Variants in BLM observed in about 807,000 individuals in gnomAD.
BLM encodes the protein BLM RecQ like helicase, also known as recQ-like DNA helicase BLM.
Under a neutral mutation model 135.3 loss-of-function variants are expected in BLM, and 95 were observed. The observed-to-expected ratio is 0.70, with a 90% CI of 0.59 to 0.83. The LOEUF (loss-of-function observed/expected upper bound fraction) is 0.83, where lower values mean the gene tolerates loss of function less well. Ranked by LOEUF, BLM falls within the 40% of genes least tolerant of loss-of-function variation. The pLI is 0.00. For synonymous variants in BLM, 520 were observed against 589.2 expected, an observed-to-expected ratio of 0.88 and a Z score of 1.70; for missense variants, 1,518 against 1,663.9, an observed-to-expected ratio of 0.91 and a Z score of 1.53.
chr15:90,770,021 A>C (rs1432210879), intron 12 of BLM, among the ~76,000 whole-genome samples: 1 of 152,062 alleles, frequency 6.6e-6, no homozygotes, highest in Non-Finnish European at 1.5e-5. Context: ...TTTCCCCCTA[A>C]GGTCCCAGTT....
chr15:90,777,359 C>T (rs1056436417), intron 12 of BLM, among the ~76,000 whole-genome samples: 1 of 152,128 alleles, frequency 6.6e-6, no homozygotes, highest in East Asian at 1.9e-4. Flanking sequence ...CACCATATTG[C>T]GCAGGCTGGT....
chr15:90,783,735 A>G (rs1204555846), intron 13 of BLM, among the ~76,000 whole-genome samples: 1 of 152,186 alleles, frequency 6.6e-6, no homozygotes, highest in East Asian at 1.9e-4. Flanking sequence ...CCCCATCTCT[A>G]CAAAAATTAT....
Position 90,815,036 on chromosome 15 carries a change from T to C in BLM, c.4077-66T>C, listed in dbSNP as rs567859817. 4.0e-6 allele frequency: 5 copies of C among 1,263,080 alleles called. No individual in the cohort carries two copies. Among genetic ancestry groups the C allele is most frequent in the Non-Finnish European group, 5.5e-6 (5 of 909,786 alleles). 78.2% of individuals were successfully genotyped at this position (1,263,080 alleles called of 1,614,324 possible). A position where few individuals can be genotyped will look rare whatever the true frequency, so the allele number is the denominator to read the frequency against. On this transcript the variant is annotated intron_variant, in intron 21 of 21. Transcript: ENST00000355112. The surrounding 1 kb of genome is among the most constrained non-coding windows in gnomAD (Gnocchi z 4.6). ...AGTGGTATTGTAGCTCTGTGCAGGT[T>C]GAGAGGAAGGTCATTCATTTTTGGT...
intron 21 of BLM, among the ~76,000 whole-genome samples, chr15:90,814,427 A>T (rs1897501864): frequency 1.3e-5 from 2 of 152,192 alleles, no homozygotes; most frequent in South Asian, 4.1e-4. Context: ...AGGACTTGGT[A>T]ATCGGCTCTG....
chr15:90,783,470 G>A (rs1896666829), intron 13 of BLM, among the ~76,000 whole-genome samples: 1 of 152,182 alleles, frequency 6.6e-6, no homozygotes, highest in Admixed American at 6.5e-5. Context: ...CCCCCAGGCA[G>A]CTAATGTCAA....
At chr15:90,801,435 T>C (rs1417792626) in intron 17 of BLM, among the ~76,000 whole-genome samples, 1 of 94,674 alleles carries the variant, frequency 1.1e-5, no homozygotes, top group Non-Finnish European at 2.3e-5. Context: ...TGGGTACTAA[T>C]GACATCTCAC....
intron 15 of BLM, among the ~76,000 whole-genome samples, chr15:90,791,116 T>C (rs1004111767): frequency 7.2e-5 from 11 of 152,226 alleles, no homozygotes; most frequent in Admixed American, 6.5e-4. Flanking sequence ...ACTCTAGTTA[T>C]TGGTTTCCTT....
At chr15:90,790,903 ACTC>A (rs1157235456) in intron 15 of BLM, 59 bp downstream of exon 15, 3 of 1,491,026 alleles carry the variant, frequency 2.0e-6, no homozygotes, top group Non-Finnish European at 2.8e-6. Flanking sequence ...ATAGTAGTCT[ACTC>A]CTGCTATTGT....
intron 19 of BLM, among the ~76,000 whole-genome samples, chr15:90,807,660 A>G (rs1897314289): frequency 6.6e-6 from 1 of 152,126 alleles, no homozygotes; most frequent in Non-Finnish European, 1.5e-5. Flanking sequence ...TCAGCCTCCC[A>G]AAGTATTGGG....
chr15:90,768,882 A>C (rs966924763), intron 10 of BLM, among the ~76,000 whole-genome samples: 1 of 152,084 alleles, frequency 6.6e-6, no homozygotes, highest in South Asian at 2.1e-4. Flanking sequence ...ATGCACCACC[A>C]CGCCCGGCTA....
chr15:90,803,021 G>A (rs387833), intron 17 of BLM, among the ~76,000 whole-genome samples: 34,763 of 151,562 alleles, frequency 0.23, 5,286 homozygotes, highest in East Asian at 0.55. Flanking sequence ...AAATTAGGTG[G>A]GTGTGATGGC....
intron 12 of BLM, among the ~76,000 whole-genome samples, chr15:90,780,775 G>A (rs920158131): frequency 1.3e-5 from 2 of 152,332 alleles, no homozygotes; most frequent in Admixed American, 6.5e-5. Flanking sequence ...GAAGAAAAAT[G>A]TCACATAGTT....
chr15:90,730,078 ACTC>A (rs1362783126), intron 1 of BLM, among the ~76,000 whole-genome samples: 1 of 151,632 alleles, frequency 6.6e-6, no homozygotes, highest in Non-Finnish European at 1.5e-5. Flanking sequence ...CTGATCTCGA[ACTC>A]CTGACCTCGT....
intron 1 of BLM, among the ~76,000 whole-genome samples, chr15:90,744,513 C>T (rs957350527): frequency 6.6e-6 from 1 of 152,112 alleles, no homozygotes; most frequent in Non-Finnish European, 1.5e-5. Context: ...ACTGGGATTA[C>T]AGGCACATGC....
At chr15:90,758,915 A>T (rs982323878) in intron 5 of BLM, among the ~76,000 whole-genome samples, 1 of 152,210 alleles carries the variant, frequency 6.6e-6, no homozygotes, top group Non-Finnish European at 1.5e-5. Context: ...ATATGTTACC[A>T]TTAAAGGGAA....
chr15:90,787,036 CTTTTTTTT>C (rs11366266), intron 14 of BLM, among the ~76,000 whole-genome samples: 7 of 57,956 alleles, frequency 1.2e-4, no homozygotes, highest in African/African-American at 2.5e-4. Flanking sequence ...TTAGGCATCT[CTTTTTTTT>C]TTTTTTTTTT....
intron 2 of BLM, among the ~76,000 whole-genome samples, chr15:90,748,815 C>G (rs1203994127): frequency 6.7e-6 from 1 of 150,328 alleles, no homozygotes; most frequent in Non-Finnish European, 1.5e-5. Flanking sequence ...TGGAGTGCGG[C>G]AGTATAGTCT....
Position 90,794,215 on chromosome 15 carries a change from TG to T in BLM, c.3069del (p.Leu1023PhefsTer11). ...ACAAGAGAAACTCACTTCAATAATT[TG>T]TATAGCATGGTACATTACTGTGAAA... Reference protein sequence around the residue: ...HHTRETHFNNLYSMVHYCENI... With the variant: ...HHTRETHFNNXYSMVHYCENI... On this transcript the variant is annotated frameshift_variant, in exon 16 of 22. Coordinates refer to ENST00000355112, the MANE Select transcript of BLM (RefSeq NM_000057.4). LOFTEE classifies it high-confidence loss of function. The T allele has an allele frequency of 6.2e-7, 1 of 1,605,876 alleles. No homozygotes were observed. The highest frequency in any genetic ancestry group is 8.5e-7 in the Non-Finnish European group (1 of 1,175,428).
chr15:90,752,035 A>G, intron 4 of BLM, 89 bp downstream of exon 4: 3 of 1,224,726 alleles, frequency 2.4e-6, no homozygotes, highest in Non-Finnish European at 3.4e-6. Context: ...TCTATATAAA[A>G]GTATTTTGTG....
Sources: allele counts gnomAD v4.1 joint callset (sites outside exome capture counted in the v4.1 genomes callset), GRCh38; gene constraint gnomAD v4.1.1; non-coding constraint Gnocchi (gnomAD v3.1); transcripts MANE v1.5; gene names NCBI Gene and HGNC (gene_info 2026-07-23, HGNC 2026-07-21).